The following SOX5 variants were observed in gnomAD, a reference collection of about 807,000 sequenced individuals.
SOX5 encodes the protein transcription factor SOX-5.
A neutral mutation model predicts 92.0 loss-of-function variants in SOX5; 9 were observed. The ratio of observed to expected loss-of-function variants is 0.10; its 90% CI spans 0.06 to 0.17. The LOEUF (loss-of-function observed/expected upper bound fraction) is 0.17, where lower values mean the gene tolerates loss of function less well. Among genes scored for constraint, SOX5 ranks in the 10% least tolerant of loss-of-function variants. SOX5 has a pLI of 1.00. For missense variants in SOX5, 642 were observed against 944.5 expected (o/e 0.68, Z 4.20); for synonymous variants, 344 against 336.3 (o/e 1.02, Z -0.25).
At chr12:24,237,575 G>C (rs1179664176) in intron 3 of SOX5, among the ~76,000 whole-genome samples, 1 of 150,608 alleles carries the variant, frequency 6.6e-6, no homozygotes, top group African/African-American at 2.4e-5. Context: ...TCCAAGCCTG[G>C]AAGTCGTAAG....
intron 7 of SOX5, among the ~76,000 whole-genome samples, chr12:23,656,531 C>T (rs1212613308): frequency 4.0e-5 from 6 of 151,828 alleles, no homozygotes; most frequent in Non-Finnish European, 7.4e-5. Flanking sequence ...AAATAAAATA[C>T]GATGTATCCA....
chr12:23,661,700 T>C (rs1018113699), intron 7 of SOX5, among the ~76,000 whole-genome samples: 2 of 152,182 alleles, frequency 1.3e-5, no homozygotes, highest in African/African-American at 4.8e-5. Context: ...CTTTGATAAA[T>C]AGTTTAGGAT....
chr12:23,829,653 G>A (rs182177972), intron 3 of SOX5, among the ~76,000 whole-genome samples: 1 of 152,270 alleles, frequency 6.6e-6, no homozygotes, highest in East Asian at 1.9e-4. Flanking sequence ...ATTTATCTGA[G>A]GGACTTAAGA....
intron 4 of SOX5, among the ~76,000 whole-genome samples, chr12:24,196,241 T>G (rs1453959368): frequency 6.6e-6 from 1 of 152,208 alleles, no homozygotes; most frequent in African/African-American, 2.4e-5. Flanking sequence ...CTATCTGCTG[T>G]GAAGCACGTG....
At chr12:23,999,862 C>T (rs978885689) in intron 4 of SOX5, among the ~76,000 whole-genome samples, 1 of 151,714 alleles carries the variant, frequency 6.6e-6, no homozygotes, top group Non-Finnish European at 1.5e-5. Context: ...CTATACCTTC[C>T]TTATAATAAA....
intron 3 of SOX5, among the ~76,000 whole-genome samples, chr12:24,214,288 G>A (rs1958986807): frequency 6.6e-6 from 1 of 151,788 alleles, no homozygotes; most frequent in South Asian, 2.1e-4. Flanking sequence ...CAGACTGCAG[G>A]GTCATAAAAG....
rs1056205116 is a variant in SOX5, at chr12:24,142,219, G to C, written c.-2+71124C>G. On this transcript the variant is annotated intron_variant, in intron 4 of 4. Coordinates refer to the SOX5 transcript ENST00000446891. ...GGGTAGAGAGAAAAGAAACCAAGGAGATTGGGGGTAAGCAGCACTCCCGCT... is the reference window on the plus strand; with the variant it reads ...GGGTAGAGAGAAAAGAAACCAAGGACATTGGGGGTAAGCAGCACTCCCGCT... 2.0e-5 allele frequency among the ~76,000 whole-genome samples: 3 copies of C among 152,154 alleles called. No homozygotes were observed. In the East Asian group the frequency reaches 5.8e-4, roughly 29 times the overall value.
At position 24,058,575 on chromosome 12, in the gene SOX5, C is replaced by T. The variant is rs16927119; in HGVS notation, c.-2+154768G>A. Reference sequence around the variant, plus strand: ...TGAGAACTTCAAAATGCTAGCAGCACTTTCTTGTTTATTGAGTGTTATTAC... The same window carrying T: ...TGAGAACTTCAAAATGCTAGCAGCATTTTCTTGTTTATTGAGTGTTATTAC... On this transcript the variant is annotated intron_variant, in intron 4 of 4. Coordinates refer to the SOX5 transcript ENST00000446891. Among the ~76,000 whole-genome samples the T allele has an allele frequency of 5.5e-3, 835 of 152,224 alleles. 8 individuals are homozygous for T. Among genetic ancestry groups the T allele is most frequent in the African/African-American group, 0.019 (807 of 41,546 alleles).
At chr12:24,421,887 C>T (rs919783299) in intron 1 of SOX5, among the ~76,000 whole-genome samples, 7 of 152,184 alleles carry the variant, frequency 4.6e-5, no homozygotes, top group Non-Finnish European at 8.8e-5. Flanking sequence ...CTCTTTCCAA[C>T]CCAGGAAACT....
chr12:24,396,050 G>A (rs528129557), intron 1 of SOX5, among the ~76,000 whole-genome samples: 3 of 152,332 alleles, frequency 2.0e-5, no homozygotes, highest in South Asian at 2.1e-4. Flanking sequence ...CCATCCTCTC[G>A]TGTCACATAA....
rs754020994 is a variant in SOX5 at position 23,913,937 on chromosome 12, G to C, written c.39-17913C>G. On this transcript the variant is annotated intron_variant, in intron 1 of 14. Transcript: ENST00000451604. ...GGTTATTTTATTATCCAATAGCTTA[G>C]TCTATAGTGGTCTGATCCAGCATTT... Among the ~76,000 whole-genome samples, 67 of 152,074 alleles carry C rather than the reference G, an allele frequency of 4.4e-4. 1 individual carries two copies. The highest frequency in any genetic ancestry group is 2.5e-4 in the Non-Finnish European group (17 of 68,008).
intron 9 of SOX5, among the ~76,000 whole-genome samples, chr12:23,603,312 C>A (rs1324281545): frequency 1.3e-5 from 2 of 151,256 alleles, no homozygotes; most frequent in African/African-American, 2.4e-5. Context: ...ATTTTCTAAT[C>A]CTTTTCTCTG....
At chr12:23,748,214 G>C (rs902967163) in intron 4 of SOX5, among the ~76,000 whole-genome samples, 2 of 151,820 alleles carry the variant, frequency 1.3e-5, no homozygotes, top group African/African-American at 4.8e-5. Flanking sequence ...AATTTGTTTT[G>C]TTCAACACTG....
chr12:24,365,637 A>G (rs1192201845), intron 2 of SOX5, among the ~76,000 whole-genome samples: 2 of 122,416 alleles, frequency 1.6e-5, no homozygotes, highest in Non-Finnish European at 3.7e-5. Flanking sequence ...ATTTGATATA[A>G]TTATTGAAAA....
At chr12:23,836,735 C>T (rs922502747) in intron 3 of SOX5, among the ~76,000 whole-genome samples, 1 of 151,876 alleles carries the variant, frequency 6.6e-6, no homozygotes, top group Non-Finnish European at 1.5e-5. Flanking sequence ...AATGATTTAG[C>T]TGGGGCTTAA....
chr12:24,354,494 G>A (rs1354440899), intron 2 of SOX5, among the ~76,000 whole-genome samples: 2 of 152,260 alleles, frequency 1.3e-5, no homozygotes, highest in African/African-American at 4.8e-5. Flanking sequence ...ATGATCAGAT[G>A]TGCAGGCTTA....
At chr12:24,325,126 AG>A (rs1288578389) in intron 2 of SOX5, among the ~76,000 whole-genome samples, 1 of 151,982 alleles carries the variant, frequency 6.6e-6, no homozygotes, top group African/African-American at 2.4e-5. Flanking sequence ...AGCACTTTTC[AG>A]GTTAAAAAAT....
intron 4 of SOX5, among the ~76,000 whole-genome samples, chr12:24,164,421 C>G (rs1953144406): frequency 6.6e-6 from 1 of 151,992 alleles, no homozygotes; most frequent in Admixed American, 6.6e-5. Context: ...ATGTAATATT[C>G]ACTTTTGAAA....
At chr12:23,614,057 G>A (rs11047005) in intron 8 of SOX5, among the ~76,000 whole-genome samples, 2 of 152,054 alleles carry the variant, frequency 1.3e-5, no homozygotes, top group African/African-American at 4.8e-5. Flanking sequence ...AAGAGACAAG[G>A]AATCGCTTCT....
Sources: allele counts gnomAD v4.1 joint callset (sites outside exome capture counted in the v4.1 genomes callset), GRCh38; gene constraint gnomAD v4.1.1; transcripts MANE v1.5; gene names NCBI Gene and HGNC (gene_info 2026-07-23, HGNC 2026-07-21).